Variants in ST6GAL1 observed in about 807,000 individuals in gnomAD.
ST6GAL1 encodes the protein ST6 beta-galactoside alpha-2,6-sialyltransferase 1.
ST6GAL1 carries 20 observed loss-of-function variants against 38.0 expected under a neutral mutation model. The observed-to-expected ratio is 0.53, with a 90% CI of 0.37 to 0.77. The LOEUF (loss-of-function observed/expected upper bound fraction) is 0.77. Ranked by LOEUF, ST6GAL1 falls within the 30% of genes least tolerant of loss-of-function variation. The pLI, the probability that ST6GAL1 is intolerant of heterozygous loss-of-function variation, is 0.00. For missense variants in ST6GAL1, 432 were observed against 496.4 expected, an observed-to-expected ratio of 0.87 and a Z score of 1.23; for synonymous variants, 196 against 188.2, an observed-to-expected ratio of 1.04 and a Z score of -0.34.
intron 2 of ST6GAL1, among the ~76,000 whole-genome samples, chr3:186,993,543 T>C (rs967000666): frequency 1.3e-5 from 2 of 151,198 alleles, no homozygotes; most frequent in African/African-American, 4.9e-5. Flanking sequence ...CTCAGTTAGA[T>C]AACTTGACAG....
At chr3:186,980,824 TATACTCTA>T (rs1432784394) in intron 2 of ST6GAL1, among the ~76,000 whole-genome samples, 1 of 151,322 alleles carries the variant, frequency 6.6e-6, no homozygotes, top group African/African-American at 2.4e-5. Context: ...TCAATGAATC[TATACTCTA>T]ATACTCTAAA....
chr3:186,984,608 G>A (rs2108539698), intron 2 of ST6GAL1, among the ~76,000 whole-genome samples: 1 of 152,090 alleles, frequency 6.6e-6, no homozygotes, highest in South Asian at 2.1e-4. Context: ...TCCACTATCT[G>A]CAACTCTTTG....
At chr3:187,058,724 C>T (rs957210510) in intron 5 of ST6GAL1, among the ~76,000 whole-genome samples, 1 of 151,758 alleles carries the variant, frequency 6.6e-6, no homozygotes, top group Non-Finnish European at 1.5e-5. Flanking sequence ...TTACTGCAAC[C>T]TCCTTTTCCT....
At chr3:187,046,574 C>CTAGAGGAGA (rs1340478475) in intron 4 of ST6GAL1, among the ~76,000 whole-genome samples, 1 of 151,814 alleles carries the variant, frequency 6.6e-6, no homozygotes, top group Non-Finnish European at 1.5e-5. Flanking sequence ...CAGAGACCGG[C>CTAGAGGAGA]TAGAGGAGAA....
intron 2 of ST6GAL1, among the ~76,000 whole-genome samples, chr3:186,975,291 T>C (rs1302650623): frequency 1.3e-5 from 2 of 152,112 alleles, no homozygotes; most frequent in African/African-American, 4.8e-5. Context: ...GAAGATGCAA[T>C]TTCAGTGTCT....
chr3:187,031,947 G>A (rs1717767703), intron 2 of ST6GAL1, among the ~76,000 whole-genome samples: 1 of 152,202 alleles, frequency 6.6e-6, no homozygotes, highest in Non-Finnish European at 1.5e-5. Flanking sequence ...CTAAGCTATA[G>A]TCAGTGCTTG....
rs547885446 is a variant in ST6GAL1 at position 187,012,407 on chromosome 3, G to A, written c.-182-26335G>A. On this transcript the variant is annotated intron_variant, in intron 2 of 7. Coordinates refer to ENST00000169298, the MANE Select transcript of ST6GAL1 (RefSeq NM_173216.2). ...TGAGTAGCTGGGATAACAGGCGTGCGCCACCATACCCAGCTCATTTTTATA... is the reference window on the plus strand; with the variant it reads ...TGAGTAGCTGGGATAACAGGCGTGCACCACCATACCCAGCTCATTTTTATA... 1.4e-4 allele frequency among the ~76,000 whole-genome samples: 21 copies of A among 152,156 alleles called. No individual in the cohort carries two copies. In the East Asian group the frequency reaches 2.7e-3, roughly 20 times the overall value.
intron 2 of ST6GAL1, among the ~76,000 whole-genome samples, chr3:187,015,106 G>T (rs1370340189): frequency 2.0e-5 from 3 of 152,168 alleles, no homozygotes; most frequent in Non-Finnish European, 4.4e-5. Context: ...TAATTCACAA[G>T]CCAACAGGTA....
At chr3:187,060,676 A>G (rs1213292703) in intron 5 of ST6GAL1, among the ~76,000 whole-genome samples, 2 of 152,346 alleles carry the variant, frequency 1.3e-5, no homozygotes, top group African/African-American at 4.8e-5. Context: ...TTTGCAGTCA[A>G]CAGGTTTTAA....
intron 2 of ST6GAL1, among the ~76,000 whole-genome samples, chr3:186,982,133 A>G (rs1286429668): frequency 1.3e-5 from 2 of 152,248 alleles, no homozygotes; most frequent in African/African-American, 4.8e-5. Flanking sequence ...TAGCTCACAA[A>G]TGAACACTTA....
chr3:187,024,309 G>T, intron 2 of ST6GAL1, among the ~76,000 whole-genome samples: 1 of 151,406 alleles, frequency 6.6e-6, no homozygotes, highest in Non-Finnish European at 1.5e-5. Context: ...TTAGCCAGAT[G>T]GTCTTGATCT....
intron 2 of ST6GAL1, among the ~76,000 whole-genome samples, chr3:187,019,063 A>G (rs1021758153): frequency 6.6e-6 from 1 of 152,252 alleles, no homozygotes; most frequent in Non-Finnish European, 1.5e-5. Context: ...CTGATTGGCA[A>G]CAGTATCTTT....
At chr3:187,009,052 T>C (rs1343452406) in intron 2 of ST6GAL1, among the ~76,000 whole-genome samples, 4 of 152,080 alleles carry the variant, frequency 2.6e-5, no homozygotes, top group Non-Finnish European at 5.9e-5. Flanking sequence ...ATGCTTTGAT[T>C]CTATTTGTGA....
At chr3:186,943,920 C>G (rs1415066254) in intron 1 of ST6GAL1, among the ~76,000 whole-genome samples, 3 of 152,254 alleles carry the variant, frequency 2.0e-5, no homozygotes, top group Non-Finnish European at 2.9e-5. Flanking sequence ...CTGTGAAAGT[C>G]TGGCTTGCTG....
At chr3:186,997,531 G>A (rs35376994) in intron 2 of ST6GAL1, among the ~76,000 whole-genome samples, 37,585 of 151,926 alleles carry the variant, frequency 0.25, 4,623 homozygotes, top group South Asian at 0.3. Context: ...TGAGGTGGGA[G>A]GATTGCTTGA....
At chr3:186,992,648 T>A (rs894364726) in intron 2 of ST6GAL1, among the ~76,000 whole-genome samples, 29 of 151,846 alleles carry the variant, frequency 1.9e-4, no homozygotes, top group African/African-American at 7.0e-4. Flanking sequence ...ACAAAAAAAA[T>A]TAGCTGCATG....
chr3:186,998,299 G>T (rs984506312), intron 2 of ST6GAL1, among the ~76,000 whole-genome samples: 3 of 152,110 alleles, frequency 2.0e-5, no homozygotes, highest in African/African-American at 7.2e-5. Flanking sequence ...CGAATATCCT[G>T]TTAACCAGAA....
intron 2 of ST6GAL1, among the ~76,000 whole-genome samples, chr3:187,033,697 T>A (rs1657580322): frequency 6.6e-6 from 1 of 152,238 alleles, no homozygotes; most frequent in African/African-American, 2.4e-5. Flanking sequence ...TATTGCTGGA[T>A]GCTTAGTTGT....
At chr3:187,011,068 A>G (rs1327670234) in intron 2 of ST6GAL1, among the ~76,000 whole-genome samples, 1 of 152,178 alleles carries the variant, frequency 6.6e-6, no homozygotes, top group Non-Finnish European at 1.5e-5. Context: ...TTGGTCAAGT[A>G]CAACAGTGTG....
Sources: gnomAD v4.1 joint callset for allele counts (sites outside exome capture counted in the v4.1 genomes callset) on GRCh38, gnomAD v4.1.1 for gene constraint, MANE v1.5 for transcripts, NCBI Gene and HGNC (gene_info 2026-07-23, HGNC 2026-07-21) for gene names.